HSPA4: variants seen among roughly 807,000 people sequenced by gnomAD.
The protein encoded by HSPA4 is heat shock 70 kDa protein 4.
Under a neutral mutation model 106.2 loss-of-function variants are expected in HSPA4, and 25 were observed. That is an observed-to-expected ratio of 0.24 (90% confidence interval 0.17 to 0.33). The LOEUF (loss-of-function observed/expected upper bound fraction) is 0.33, where lower values mean the gene tolerates loss of function less well. Ranked by LOEUF, HSPA4 falls within the 10% of genes least tolerant of loss-of-function variation. HSPA4 has a pLI of 1.00. For synonymous variants in HSPA4, 332 were observed against 333.6 expected, an observed-to-expected ratio of 1.00 and a Z score of 0.05; for missense variants, 841 against 996.0, an observed-to-expected ratio of 0.84 and a Z score of 2.10.
chr5:133,072,027 G>A (rs371008981), intron 4 of HSPA4, among the ~76,000 whole-genome samples: 1 of 152,078 alleles, frequency 6.6e-6, no homozygotes, highest in Non-Finnish European at 1.5e-5. Context: ...ATAACACTCT[G>A]TGTGGGAGTA....
chr5:133,088,002 T>C (rs1273482232), intron 8 of HSPA4, among the ~76,000 whole-genome samples: 5 of 152,238 alleles, frequency 3.3e-5, no homozygotes, highest in Admixed American at 3.3e-4. Flanking sequence ...TCTTCTTTTT[T>C]TTCCTTTAAT....
At chr5:133,052,942 G>A (rs927243543) in intron 1 of HSPA4, 3 of 152,398 alleles carry the variant, frequency 2.0e-5, no homozygotes, top group Non-Finnish European at 2.9e-5. Flanking sequence ...GCACGGATAG[G>A]AATTTAATAA....
chr5:133,100,645 C>T (rs111657380), intron 16 of HSPA4, among the ~76,000 whole-genome samples: 2,378 of 152,222 alleles, frequency 0.016, 30 homozygotes, highest in Middle Eastern at 0.037. Context: ...ATTAGCCGAG[C>T]GTGGTGGCGG....
intron 6 of HSPA4, among the ~76,000 whole-genome samples, chr5:133,075,844 A>G (rs941153328): frequency 4.0e-5 from 6 of 150,918 alleles, no homozygotes; most frequent in African/African-American, 1.2e-4. Context: ...AAAAGAAAAA[A>G]AAATAAAGAA....
intron 3 of HSPA4, among the ~76,000 whole-genome samples, chr5:133,070,132 G>A (rs1435093066): frequency 2.0e-5 from 3 of 151,868 alleles, no homozygotes; most frequent in African/African-American, 4.8e-5. Context: ...ATGCCACGGC[G>A]CTCCAGAGAG....
At position 133,071,041 on chromosome 5, in the gene HSPA4, A is replaced by G. The variant is rs532469543; in HGVS notation, c.429+545A>G. On this transcript the variant is annotated intron_variant, in intron 4 of 18. Transcript: ENST00000304858. Reference sequence around the variant, plus strand: ...AAGGTGCATTCATCTCAGCCTGCCCACTTCTTCCTGTATTTTTTTCATCGC... The same window carrying G: ...AAGGTGCATTCATCTCAGCCTGCCCGCTTCTTCCTGTATTTTTTTCATCGC... Among the ~76,000 whole-genome samples, 81 of 152,104 alleles carry G rather than the reference A, an allele frequency of 5.3e-4. 1 individual carries two copies. The highest frequency in any genetic ancestry group is 1.3e-4 in the Non-Finnish European group (9 of 67,968).
chr5:133,072,748 A>G (rs1420370609), intron 4 of HSPA4, among the ~76,000 whole-genome samples: 2 of 152,002 alleles, frequency 1.3e-5, no homozygotes, highest in Admixed American at 1.3e-4. Context: ...TTGGTACCCT[A>G]TACCTAGCAT....
intron 3 of HSPA4, among the ~76,000 whole-genome samples, chr5:133,069,462 G>A (rs1221925713): frequency 6.6e-6 from 1 of 151,976 alleles, no homozygotes; most frequent in Non-Finnish European, 1.5e-5. Context: ...TTTTGGTCAC[G>A]CTGGTCTTGA....
At chr5:133,084,777 C>T (rs548270308) in intron 7 of HSPA4, among the ~76,000 whole-genome samples, 38 of 152,024 alleles carry the variant, frequency 2.5e-4, no homozygotes, top group African/African-American at 8.9e-4. Flanking sequence ...GCCTACTATT[C>T]TTTTTTATTG....
At chr5:133,094,278 A>G (rs1765684724) in intron 13 of HSPA4, among the ~76,000 whole-genome samples, 1 of 152,208 alleles carries the variant, frequency 6.6e-6, no homozygotes. Context: ...ATTACAATGT[A>G]TAATCTCACC....
rs1012145169 is a variant in HSPA4, at chr5:133,105,930, A to C, written c.*1494A>C. The stretch of plus-strand genomic sequence containing the variant: ...ATGCATGGAGGCCTCGAGGCACCAC[A>C]ACAAGGCCAGGTTCTTAGCACATCC... On this transcript the variant is annotated 3_prime_UTR_variant, in exon 19 of 19. Transcript: ENST00000304858. 15 of 151,798 alleles carry C rather than the reference A, an allele frequency of 9.9e-5. No homozygotes were observed. Among genetic ancestry groups the C allele is most frequent in the Admixed American group, 9.9e-4 (15 of 15,196 alleles). The allele number at this position is 151,798 out of a possible 1,614,324, so 9.4% of individuals were successfully genotyped here.
chr5:133,062,055 A>G (rs1460987360), intron 1 of HSPA4, among the ~76,000 whole-genome samples: 1 of 152,226 alleles, frequency 6.6e-6, no homozygotes, highest in African/African-American at 2.4e-5. Context: ...TGACATAAGC[A>G]AAGCAGGAAG....
chr5:133,100,608 A>G (rs1382017033), intron 16 of HSPA4, among the ~76,000 whole-genome samples: 15 of 152,074 alleles, frequency 9.9e-5, no homozygotes, highest in Non-Finnish European at 1.5e-5. Context: ...ACCAAGGTGA[A>G]ACCCTGTCTC....
chr5:133,093,703 C>T (rs1376623481), intron 13 of HSPA4, among the ~76,000 whole-genome samples: 3 of 151,522 alleles, frequency 2.0e-5, no homozygotes, highest in Non-Finnish European at 4.4e-5. Flanking sequence ...GTTGGCCAGG[C>T]TGGTGTTGAA....
chr5:133,095,666 T>A (rs1000468165), intron 13 of HSPA4, among the ~76,000 whole-genome samples: 21 of 152,262 alleles, frequency 1.4e-4, no homozygotes, highest in African/African-American at 4.6e-4. Flanking sequence ...GGTAGAAAAA[T>A]TTTTAATAGT....
At chr5:133,079,780 A>T (rs759076952) in intron 7 of HSPA4, among the ~76,000 whole-genome samples, 4 of 152,110 alleles carry the variant, frequency 2.6e-5, no homozygotes, top group Admixed American at 6.6e-5. Flanking sequence ...ATTTTCAATT[A>T]TTTGGATTAT....
chr5:133,079,602 A>C (rs1765489689), intron 7 of HSPA4, among the ~76,000 whole-genome samples: 1 of 152,180 alleles, frequency 6.6e-6, no homozygotes, highest in Non-Finnish European at 1.5e-5. Context: ...ATTTGTGAAC[A>C]AGTACTTGTT....
intron 4 of HSPA4, among the ~76,000 whole-genome samples, chr5:133,072,361 A>G (rs948972190): frequency 2.7e-5 from 4 of 148,424 alleles, no homozygotes; most frequent in Non-Finnish European, 4.5e-5. Flanking sequence ...GTCCTCTACC[A>G]CAGGAGTTCT....
chr5:133,064,645 A>G (rs1318545173), intron 1 of HSPA4, among the ~76,000 whole-genome samples: 1 of 152,150 alleles, frequency 6.6e-6, no homozygotes, highest in African/African-American at 2.4e-5. Context: ...GTTAATTGAT[A>G]CATTGATGTG....
Sources: allele counts gnomAD v4.1 joint callset (sites outside exome capture counted in the v4.1 genomes callset), GRCh38; gene constraint gnomAD v4.1.1; transcripts MANE v1.5; gene names NCBI Gene and HGNC (gene_info 2026-07-23, HGNC 2026-07-21).